Variants in RPSA2 observed in about 807,000 individuals in gnomAD.
The protein encoded by RPSA2 is small ribosomal subunit protein uS2B.
the RPSA2 span, among the ~76,000 whole-genome samples, chr19:23,849,210 G>A: frequency 9.8e-4 from 150 of 152,324 alleles, no homozygotes; most frequent in African/African-American, 3.2e-3. Context: ...TAGTCAGATT[G>A]GAGGTAAACA....
chr19:23,792,190 A>C, the RPSA2 span, among the ~76,000 whole-genome samples: 1 of 152,238 alleles, frequency 6.6e-6, no homozygotes, highest in Admixed American at 6.5e-5. Flanking sequence ...TCTAACACTT[A>C]GTTTCACAAA....
At chr19:23,835,659 TAG>T in the RPSA2 span, among the ~76,000 whole-genome samples, 1 of 152,052 alleles carries the variant, frequency 6.6e-6, no homozygotes, top group Non-Finnish European at 1.5e-5. Flanking sequence ...TCTTTTGAGA[TAG>T]AGTCTTGCTC....
At chr19:23,797,632 T>G in the RPSA2 span, among the ~76,000 whole-genome samples, 1 of 152,146 alleles carries the variant, frequency 6.6e-6, no homozygotes, top group South Asian at 2.1e-4. Flanking sequence ...GTTCTAATGT[T>G]TTGTTAATTT....
the RPSA2 span, among the ~76,000 whole-genome samples, chr19:23,847,946 T>A: frequency 6.6e-6 from 1 of 152,234 alleles, no homozygotes; most frequent in Non-Finnish European, 1.5e-5. Context: ...TCTTTTTGCC[T>A]GACCCCGCAG....
the RPSA2 span, among the ~76,000 whole-genome samples, chr19:23,790,296 C>G: frequency 0.012 from 1,773 of 152,222 alleles, 38 homozygotes; most frequent in African/African-American, 0.04. Context: ...TGGACCCGGC[C>G]TGATTTTCTC....
chr19:23,870,255 G>A, the RPSA2 span, among the ~76,000 whole-genome samples: 12 of 152,146 alleles, frequency 7.9e-5, no homozygotes, highest in Admixed American at 6.5e-4. Context: ...AGTATGTAGA[G>A]GACTGGAGGC....
At chr19:23,788,852 T>C in the RPSA2 span, among the ~76,000 whole-genome samples, 1 of 152,142 alleles carries the variant, frequency 6.6e-6, no homozygotes, top group African/African-American at 2.4e-5. Context: ...CTCGCCTACA[T>C]GCTTCATGCA....
chr19:23,832,946 T>C, the RPSA2 span: 3 of 1,494,890 alleles, frequency 2.0e-6, no homozygotes, highest in African/African-American at 1.4e-5. Context: ...AAACATAAGG[T>C]AATTCACAGT....
chr19:23,831,586 TA>T, the RPSA2 span: 3 of 165,302 alleles, frequency 1.8e-5, no homozygotes, highest in African/African-American at 7.2e-5. Flanking sequence ...TTTTTATTTT[TA>T]TTTTTTTAGG....
chr19:23,843,905 A>G, the RPSA2 span, among the ~76,000 whole-genome samples: 4 of 152,074 alleles, frequency 2.6e-5, no homozygotes, highest in Non-Finnish European at 5.9e-5. Flanking sequence ...GATTACAGGC[A>G]TGCACCACCA....
the RPSA2 span, among the ~76,000 whole-genome samples, chr19:23,866,706 G>A: frequency 6.6e-6 from 1 of 152,142 alleles, no homozygotes; most frequent in African/African-American, 2.4e-5. Flanking sequence ...CACTTCAGGG[G>A]TGGGTCCCAG....
chr19:23,853,171 AG>A, the RPSA2 span, among the ~76,000 whole-genome samples: 46 of 152,370 alleles, frequency 3.0e-4, no homozygotes, highest in Middle Eastern at 3.4e-3. Context: ...TAGATGGTTA[AG>A]GCAAATTTTT....
the RPSA2 span, among the ~76,000 whole-genome samples, chr19:23,867,236 A>T: frequency 9.2e-5 from 14 of 152,304 alleles, no homozygotes; most frequent in African/African-American, 3.4e-4. Flanking sequence ...GGCCCCTCAG[A>T]CTAATCTCCA....
At chr19:23,850,284 G>C in the RPSA2 span, among the ~76,000 whole-genome samples, 1 of 147,258 alleles carries the variant, frequency 6.8e-6, no homozygotes, top group Non-Finnish European at 1.5e-5. Flanking sequence ...GGAAATTGGT[G>C]AGACAGAAAG....
At chr19:23,811,304 A>G in the RPSA2 span, among the ~76,000 whole-genome samples, 2 of 152,322 alleles carry the variant, frequency 1.3e-5, no homozygotes, top group East Asian at 3.9e-4. Context: ...GGTGTAAGCC[A>G]ATGTGCCTGG....
the RPSA2 span, among the ~76,000 whole-genome samples, chr19:23,863,283 G>A: frequency 1.3e-5 from 2 of 152,142 alleles, no homozygotes; most frequent in Non-Finnish European, 2.9e-5. Context: ...TTCTAGACAG[G>A]CCAACAGCAG....
the RPSA2 span, among the ~76,000 whole-genome samples, chr19:23,836,851 G>A: frequency 6.6e-6 from 1 of 151,682 alleles, no homozygotes; most frequent in African/African-American, 2.4e-5. Flanking sequence ...TTTTCTTACT[G>A]ATTTGAGTTC....
At chr19:23,784,866 T>C in the RPSA2 span, among the ~76,000 whole-genome samples, 9 of 152,204 alleles carry the variant, frequency 5.9e-5, no homozygotes, top group African/African-American at 2.2e-4. Context: ...ACTGACGGTC[T>C]GCAGAAGAAA....
the RPSA2 span, among the ~76,000 whole-genome samples, chr19:23,783,476 T>G: frequency 6.6e-5 from 10 of 150,588 alleles, no homozygotes; most frequent in Non-Finnish European, 1.3e-4. Context: ...ACAGAAATAC[T>G]CTAATACATC....
Sources: gnomAD v4.1 joint callset for allele counts (sites outside exome capture counted in the v4.1 genomes callset) on GRCh38, gnomAD v4.1.1 for gene constraint, MANE v1.5 for transcripts, NCBI Gene and HGNC (gene_info 2026-07-23, HGNC 2026-07-21) for gene names.